Variants in BCAR3 observed in about 807,000 individuals in gnomAD.
BCAR3 encodes the protein breast cancer anti-estrogen resistance protein 3.
BCAR3 carries 37 observed loss-of-function variants against 80.1 expected under a neutral mutation model. That is an observed-to-expected ratio of 0.46 (90% CI 0.36 to 0.61). The LOEUF (loss-of-function observed/expected upper bound fraction) is 0.61. Ranked by LOEUF, BCAR3 falls within the 20% of genes least tolerant of loss-of-function variation. BCAR3 has a pLI of 0.00. For synonymous variants in BCAR3, 389 were observed against 418.9 expected (o/e 0.93, Z 0.87); for missense variants, 978 against 1,068.2 (o/e 0.92, Z 1.18).
chr1:93,801,893 G>GT (rs1212171068), intron 2 of BCAR3, among the ~76,000 whole-genome samples: 1 of 152,168 alleles, frequency 6.6e-6, no homozygotes, highest in African/African-American at 2.4e-5. Flanking sequence ...GCCAAGATGG[G>GT]TAGATCATGA....
intron 2 of BCAR3, among the ~76,000 whole-genome samples, chr1:93,710,054 T>G (rs1419823688): frequency 1.3e-5 from 2 of 152,246 alleles, no homozygotes; most frequent in African/African-American, 2.4e-5. Context: ...GAAAAAAGAT[T>G]AGGCCAGTTG....
chr1:93,663,295 C>G (rs538920038), intron 2 of BCAR3, among the ~76,000 whole-genome samples: 28 of 152,304 alleles, frequency 1.8e-4, no homozygotes, highest in Middle Eastern at 3.4e-3. Context: ...CACTCTGTTT[C>G]TTTACAGCCC....
At chr1:93,666,118 T>G (rs1374167252) in intron 2 of BCAR3, among the ~76,000 whole-genome samples, 2 of 152,190 alleles carry the variant, frequency 1.3e-5, no homozygotes, top group Non-Finnish European at 2.9e-5. Context: ...AGCAATCTTC[T>G]AAAAACTGAT....
intron 2 of BCAR3, among the ~76,000 whole-genome samples, chr1:93,842,163 T>TC (rs1553176288): frequency 2.1e-5 from 3 of 141,532 alleles, no homozygotes; most frequent in African/African-American, 5.2e-5. Context: ...TTTTTTTTTT[T>TC]CCCCAGAGAT....
rs556423809 is a variant in BCAR3 at position 93,729,568 on chromosome 1, G to A, written c.-62-23426C>T. Among the ~76,000 whole-genome samples the A allele has an allele frequency of 6.6e-4, 101 of 152,342 alleles. No homozygotes were observed. In the Middle Eastern group the frequency reaches 0.024, roughly 36 times the overall value. On this transcript the variant is annotated intron_variant, in intron 2 of 13. Coordinates refer to the BCAR3 transcript ENST00000370244. Reference sequence around the variant, plus strand: ...TGGGCAGAGGGGAAGTTGAACTGCAGTGCAGTTGTCACAGAGGCCTTAACC... The same window carrying A: ...TGGGCAGAGGGGAAGTTGAACTGCAATGCAGTTGTCACAGAGGCCTTAACC...
chr1:93,715,667 T>C (rs1482568860), intron 2 of BCAR3, among the ~76,000 whole-genome samples: 1 of 152,210 alleles, frequency 6.6e-6, no homozygotes, highest in Non-Finnish European at 1.5e-5. Flanking sequence ...GGACTTGACT[T>C]GATTTAAATA....
chr1:93,766,390 T>C (rs1652150485), intron 2 of BCAR3, among the ~76,000 whole-genome samples: 1 of 152,220 alleles, frequency 6.6e-6, no homozygotes, highest in African/African-American at 2.4e-5. Flanking sequence ...CTGGGCAGTC[T>C]TGGAGATGGT....
At chr1:93,673,180 T>C (rs1648302157) in intron 2 of BCAR3, among the ~76,000 whole-genome samples, 1 of 152,208 alleles carries the variant, frequency 6.6e-6, no homozygotes, top group Non-Finnish European at 1.5e-5. Context: ...TCTATAGCAT[T>C]TGGTATAATC....
chr1:93,737,682 G>A (rs907160646), intron 2 of BCAR3, among the ~76,000 whole-genome samples: 2 of 152,194 alleles, frequency 1.3e-5, no homozygotes, highest in Non-Finnish European at 2.9e-5. Flanking sequence ...ACCCTAGGAA[G>A]CCAATACAGT....
intron 2 of BCAR3, among the ~76,000 whole-genome samples, chr1:93,764,850 G>A (rs965428198): frequency 6.6e-6 from 1 of 152,170 alleles, no homozygotes; most frequent in African/African-American, 2.4e-5. Flanking sequence ...TGCCTCCTAA[G>A]TGGGAGTCTG....
chr1:93,669,434 C>A (rs1286864307), intron 2 of BCAR3, among the ~76,000 whole-genome samples: 2 of 152,184 alleles, frequency 1.3e-5, no homozygotes, highest in African/African-American at 4.8e-5. Context: ...AAATGTACTG[C>A]TCATTTTAAC....
At chr1:93,630,154 T>C (rs1366285465) in intron 3 of BCAR3, among the ~76,000 whole-genome samples, 1 of 152,164 alleles carries the variant, frequency 6.6e-6, no homozygotes, top group Admixed American at 6.5e-5. Context: ...CTGATGTGAT[T>C]ATTACACATT....
At chr1:93,729,700 G>C (rs1208323742) in intron 2 of BCAR3, among the ~76,000 whole-genome samples, 1 of 152,172 alleles carries the variant, frequency 6.6e-6, no homozygotes, top group Non-Finnish European at 1.5e-5. Flanking sequence ...ATCAGGAGGG[G>C]TATACTGTGG....
chr1:93,765,042 CAGG>C (rs1484760288), intron 2 of BCAR3, among the ~76,000 whole-genome samples: 10 of 152,154 alleles, frequency 6.6e-5, no homozygotes, highest in Non-Finnish European at 1.5e-4. Flanking sequence ...TCCCCAAGGT[CAGG>C]ATGAGCTTCA....
chr1:93,792,582 AATC>A (rs1161103625), intron 2 of BCAR3, among the ~76,000 whole-genome samples: 2 of 5,454 alleles, frequency 3.7e-4, no homozygotes, highest in Non-Finnish European at 2.6e-4. Flanking sequence ...CTAGATAAAC[AATC>A]ATGTCGTCTG....
At chr1:93,748,605 C>T (rs1651438219) in intron 2 of BCAR3, among the ~76,000 whole-genome samples, 2 of 152,156 alleles carry the variant, frequency 1.3e-5, no homozygotes, top group Admixed American at 6.5e-5. Context: ...GTCACCATCC[C>T]TCTCAATATT....
intron 2 of BCAR3, among the ~76,000 whole-genome samples, chr1:93,840,579 T>G (rs1287373500): frequency 6.6e-6 from 1 of 152,170 alleles, no homozygotes; most frequent in African/African-American, 2.4e-5. Flanking sequence ...TGTTGAGAAC[T>G]TAAAAGGCAG....
chr1:93,836,121 T>C lies in BCAR3; in HGVS notation c.-63+9446A>G, dbSNP rs116698114. Among the ~76,000 whole-genome samples, 656 of 152,296 alleles carry C rather than the reference T, an allele frequency of 4.3e-3. 2 individuals carry two copies. Among genetic ancestry groups the C allele is most frequent in the African/African-American group, 0.015 (618 of 41,556 alleles). On this transcript the variant is annotated intron_variant, in intron 2 of 13. Coordinates refer to the BCAR3 transcript ENST00000370244. ...CTTAAAAAGGACTGGACAGTACTCTTACCTCTTGCCCTTCTCAGAATTAGA... is the reference window on the plus strand; with the variant it reads ...CTTAAAAAGGACTGGACAGTACTCTCACCTCTTGCCCTTCTCAGAATTAGA...
rs184491673 is a variant in BCAR3, at chr1:93,660,898, C to T, written c.317+13716G>A. Among the ~76,000 whole-genome samples the T allele has an allele frequency of 2.4e-3, 349 of 145,266 alleles. 2 individuals are homozygous for T. The highest frequency in any genetic ancestry group is 8.6e-3 in the African/African-American group (334 of 38,952). Reference sequence around the variant, plus strand: ...CCTGGATAATTTCTTTTTTTTTAGACGGAGTTTCACTCTTGTTGCCCAGGC... The same window carrying T: ...CCTGGATAATTTCTTTTTTTTTAGATGGAGTTTCACTCTTGTTGCCCAGGC... On this transcript the variant is annotated intron_variant, in intron 2 of 11. Transcript: ENST00000260502.
Sources: allele counts gnomAD v4.1 joint callset (sites outside exome capture counted in the v4.1 genomes callset), GRCh38; gene constraint gnomAD v4.1.1; transcripts MANE v1.5; gene names NCBI Gene and HGNC (gene_info 2026-07-23, HGNC 2026-07-21).